ASTN1: variants seen among roughly 807,000 people sequenced by gnomAD.
The protein encoded by ASTN1 is astrotactin 1.
Under a neutral mutation model 140.7 loss-of-function variants are expected in ASTN1, and 41 were observed. The observed-to-expected ratio is 0.29, with a 90% confidence interval of 0.23 to 0.38. ASTN1 has a LOEUF of 0.38. ASTN1 is among the 10% of genes least tolerant of loss of function. The probability of loss-of-function intolerance (pLI) is 1.00; values close to 1 mark genes in which losing one functional copy is unlikely to be tolerated. For missense variants in ASTN1, 1,479 were observed against 1,678.8 expected (o/e 0.88, Z 2.08); for synonymous variants, 640 against 652.2 (o/e 0.98, Z 0.29).
intron 9 of ASTN1, among the ~76,000 whole-genome samples, chr1:176,962,001 G>A (rs1672685619): frequency 6.6e-6 from 1 of 152,236 alleles, no homozygotes; most frequent in South Asian, 2.1e-4. Context: ...ACAGAACAAG[G>A]CTGTGGTCTC....
intron 2 of ASTN1, among the ~76,000 whole-genome samples, chr1:177,048,700 G>T (rs188892456): frequency 9.2e-5 from 14 of 152,252 alleles, no homozygotes; most frequent in African/African-American, 2.9e-4. Context: ...TCCCTAATGT[G>T]GGGGAGCCAC....
At chr1:176,898,172 AG>A (rs1355453025) in intron 16 of ASTN1, among the ~76,000 whole-genome samples, 8 of 152,248 alleles carry the variant, frequency 5.3e-5, no homozygotes, top group Non-Finnish European at 2.9e-5. Context: ...TAGCAAGATT[AG>A]GGAGTAGAGA....
chr1:176,976,150 C>A (rs1673352035), intron 8 of ASTN1: 1 of 152,158 alleles, frequency 6.6e-6, no homozygotes, highest in Admixed American at 6.6e-5. Flanking sequence ...TCAATCATTT[C>A]TATTTCTGAG....
chr1:177,127,705 T>C (rs945588718), intron 1 of ASTN1, among the ~76,000 whole-genome samples: 14 of 152,188 alleles, frequency 9.2e-5, no homozygotes, highest in South Asian at 2.1e-4. Flanking sequence ...TGACTCAGGG[T>C]TCTCATTCAG....
intron 8 of ASTN1, among the ~76,000 whole-genome samples, chr1:176,989,048 G>C (rs1674038094): frequency 6.6e-6 from 1 of 152,184 alleles, no homozygotes; most frequent in South Asian, 2.1e-4. Context: ...TTCACAAATG[G>C]AGAGGTCTTA....
At chr1:176,952,434 A>G (rs1418568763) in intron 11 of ASTN1, among the ~76,000 whole-genome samples, 1 of 151,886 alleles carries the variant, frequency 6.6e-6, no homozygotes, top group Admixed American at 6.6e-5. Flanking sequence ...AATTATCCCT[A>G]CTGCACTGGA....
chr1:176,920,240 G>T (rs1286961510), intron 16 of ASTN1, among the ~76,000 whole-genome samples: 1 of 152,126 alleles, frequency 6.6e-6, no homozygotes, highest in Non-Finnish European at 1.5e-5. Flanking sequence ...GGCTTTAGGA[G>T]GAGATAAGGG....
At position 176,965,212 on chromosome 1, in the gene ASTN1, G is replaced by A. The variant is rs774752822; in HGVS notation, c.1549C>T (p.Arg517Ter). The change falls in exon 9 of 23, where the codon CGA (arginine) becomes TGA (stop). Residue 517 changes from arginine (R) to a stop codon, truncating the protein, a stop_gained. Transcript: ENST00000361833. LOFTEE classifies it high-confidence loss of function. ...QGPWPYTIFQ[R>*]GFDLVLGEQP... ...TCTCCCAAAACCAGGTCAAAGCCTC[G>A]CTGAAATATTGTGTAAGGCCATGGC... 4.3e-6 allele frequency: 7 copies of A among 1,613,838 alleles called. No individual in the cohort carries two copies. The highest frequency in any genetic ancestry group is 1.7e-5 in the Admixed American group (1 of 59,990).
At chr1:176,983,074 G>C (rs995375419) in intron 8 of ASTN1, among the ~76,000 whole-genome samples, 2 of 152,178 alleles carry the variant, frequency 1.3e-5, no homozygotes, top group Non-Finnish European at 2.9e-5. Flanking sequence ...TGATGTTGGG[G>C]TGGGTGAAAT....
chr1:176,919,193 G>T (rs1236875061), intron 16 of ASTN1, among the ~76,000 whole-genome samples: 33 of 152,128 alleles, frequency 2.2e-4, no homozygotes, highest in Admixed American at 2.2e-3. Context: ...ATGCGGTGTT[G>T]TTTGCCCCAA....
chr1:176,864,099 T>C lies in ASTN1; in HGVS notation c.*185A>G, dbSNP rs1039517398. On this transcript the variant is annotated 3_prime_UTR_variant, in exon 23 of 23. Coordinates refer to ENST00000361833, the MANE Select transcript of ASTN1 (RefSeq NM_004319.3). ...CACTGGCTGGCAGATTTCCCAATCA[T>C]GCAGATGGAGAACATCATACTGAAG... 9 of 1,423,940 alleles carry C rather than the reference T, an allele frequency of 6.3e-6. No individual in the cohort carries two copies. Among genetic ancestry groups the C allele is most frequent in the African/African-American group, 1.4e-5 (1 of 70,060 alleles). 88.2% of individuals were successfully genotyped at this position (1,423,940 alleles called of 1,614,324 possible).
intron 1 of ASTN1, among the ~76,000 whole-genome samples, chr1:177,084,401 C>G (rs1003238005): frequency 6.6e-6 from 1 of 152,132 alleles, no homozygotes; most frequent in East Asian, 1.9e-4. Context: ...ACGAGTGTGT[C>G]CCCCCACAAA....
In ASTN1 at chr1:176,958,416, G is replaced by A. The variant is rs200577541; in HGVS notation, c.1665C>T (p.Ala555=). 56 of 1,614,014 alleles carry A rather than the reference G, an allele frequency of 3.5e-5. 1 individual carries two copies. Among genetic ancestry groups the A allele is most frequent in the South Asian group, 3.2e-4 (29 of 91,042 alleles). The change falls in exon 10 of 23, where the codon GCC becomes GCT. Residue 555 remains alanine (A), a synonymous_variant. Coordinates refer to ENST00000361833, the MANE Select transcript of ASTN1 (RefSeq NM_004319.3). The part of the protein sequence containing the change: ...PLSKSFVIPP[A]ELAINPSAKC... ...TTGCTGATGGATTGATGGCCAGTTCGGCTGGTGGAATCACAAAGCTCTTGC... is the reference window on the plus strand; with the variant it reads ...TTGCTGATGGATTGATGGCCAGTTCAGCTGGTGGAATCACAAAGCTCTTGC...
At chr1:177,004,827 T>G (rs1558025242) in intron 8 of ASTN1, among the ~76,000 whole-genome samples, 2 of 152,184 alleles carry the variant, frequency 1.3e-5, no homozygotes, top group East Asian at 3.9e-4. Flanking sequence ...AAAATTAACT[T>G]AAGATGGATT....
At chr1:177,001,718 G>A (rs1674735320) in intron 8 of ASTN1, among the ~76,000 whole-genome samples, 1 of 152,196 alleles carries the variant, frequency 6.6e-6, no homozygotes, top group East Asian at 1.9e-4. Context: ...TCTTGAATAA[G>A]ATGAAATAGG....
At chr1:177,018,142 C>T (rs767022818) in intron 7 of ASTN1, among the ~76,000 whole-genome samples, 2 of 151,854 alleles carry the variant, frequency 1.3e-5, no homozygotes, top group Non-Finnish European at 2.9e-5. Context: ...GCAGAGACAT[C>T]GAAAGGAGGC....
chr1:176,944,870 C>T (rs1671886139), intron 13 of ASTN1, among the ~76,000 whole-genome samples: 1 of 152,164 alleles, frequency 6.6e-6, no homozygotes. Context: ...TTTGGCAAAC[C>T]AATTCCCAGG....
At position 176,861,098 on chromosome 1, in the gene ASTN1, T is replaced by G. The variant is rs1328870824; in HGVS notation, c.*3186A>C. On this transcript the variant is annotated 3_prime_UTR_variant, in exon 23 of 23. Coordinates refer to ENST00000361833, the MANE Select transcript of ASTN1 (RefSeq NM_004319.3). ...CTAATAGCTTTGTTTTATTATTCAGTTAATTATTTCATCTTTTATAATCAT... is the reference window on the plus strand; with the variant it reads ...CTAATAGCTTTGTTTTATTATTCAGGTAATTATTTCATCTTTTATAATCAT... The G allele has an allele frequency of 1.0e-6, 1 of 952,540 alleles. No homozygotes were observed. The highest frequency in any genetic ancestry group is 1.2e-6 in the Non-Finnish European group (1 of 800,148). 59.0% of individuals were successfully genotyped at this position (952,540 alleles called of 1,614,324 possible). A position where few individuals can be genotyped will look rare whatever the true frequency, so the allele number is the denominator to read the frequency against.
chr1:177,071,775 A>G (rs973736391), intron 1 of ASTN1, among the ~76,000 whole-genome samples: 3 of 152,184 alleles, frequency 2.0e-5, no homozygotes, highest in Non-Finnish European at 4.4e-5. Context: ...TGCAATTGCC[A>G]TAATGGGGGC....
Sources: gnomAD v4.1 joint callset for allele counts (sites outside exome capture counted in the v4.1 genomes callset) on GRCh38, gnomAD v4.1.1 for gene constraint, MANE v1.5 for transcripts, NCBI Gene and HGNC (gene_info 2026-07-23, HGNC 2026-07-21) for gene names.